Variants in CDK14 observed in about 807,000 individuals in gnomAD.
CDK14 encodes cyclin-dependent kinase 14.
Under a neutral mutation model 60.7 loss-of-function variants are expected in CDK14, and 34 were observed. The ratio of observed to expected loss-of-function variants is 0.56; its 90% CI spans 0.43 to 0.75. CDK14 has a LOEUF of 0.75. Among genes scored for constraint, CDK14 ranks in the 30% least tolerant of loss-of-function variants. CDK14 has a pLI of 0.00. For synonymous variants in CDK14, 197 were observed against 203.7 expected, an observed-to-expected ratio of 0.97 and a Z score of 0.28; for missense variants, 482 against 564.1, an observed-to-expected ratio of 0.85 and a Z score of 1.47.
intron 4 of CDK14, among the ~76,000 whole-genome samples, chr7:90,755,461 G>A (rs943343736): frequency 6.6e-6 from 1 of 152,122 alleles, no homozygotes; most frequent in Non-Finnish European, 1.5e-5. Flanking sequence ...GGAGACTGCT[G>A]AGTGGGGTTG....
intron 6 of CDK14, among the ~76,000 whole-genome samples, chr7:90,879,074 G>A (rs1303918341): frequency 6.6e-6 from 1 of 152,154 alleles, no homozygotes; most frequent in Non-Finnish European, 1.5e-5. Flanking sequence ...TTTGGCCAAC[G>A]AATTGAGCAA....
intron 10 of CDK14, among the ~76,000 whole-genome samples, chr7:91,034,545 T>G (rs1469978690): frequency 6.6e-6 from 1 of 152,132 alleles, no homozygotes; most frequent in Non-Finnish European, 1.5e-5. Flanking sequence ...TGTTGAAAAC[T>G]CTACATAATA....
intron 5 of CDK14, among the ~76,000 whole-genome samples, chr7:90,796,210 G>GCCC (rs1210042486): frequency 6.6e-6 from 1 of 152,108 alleles, no homozygotes; most frequent in Non-Finnish European, 1.5e-5. Flanking sequence ...AGCCTCTGAA[G>GCCC]ACTTTAGAGT....
At chr7:91,205,316 A>C (rs186569252) in intron 14 of CDK14, among the ~76,000 whole-genome samples, 36 of 152,388 alleles carry the variant, frequency 2.4e-4, no homozygotes, top group Middle Eastern at 6.8e-3. Flanking sequence ...ATGGATAAAC[A>C]AACTGTGGTA....
At position 90,672,927 on chromosome 7, in the gene CDK14, C is replaced by G. The variant is rs151004743; in HGVS notation, c.124-53640C>G. ...CATTTGTGTATATGTTTTACTATTA[C>G]AGAGGAATAGGTCAGTGGGGAAATT... On this transcript the variant is annotated intron_variant, in intron 2 of 14. Transcript: ENST00000380050. Among the ~76,000 whole-genome samples, 481 of 152,146 alleles carry G rather than the reference C, an allele frequency of 3.2e-3. 3 individuals carry two copies. The highest frequency in any genetic ancestry group is 0.014 in the Middle Eastern group (4 of 294).
chr7:91,184,382 G>A (rs1387617558), intron 14 of CDK14, among the ~76,000 whole-genome samples: 1 of 151,950 alleles, frequency 6.6e-6, no homozygotes, highest in East Asian at 1.9e-4. Flanking sequence ...TATTTATAAA[G>A]GTTTTACAAT....
At chr7:90,839,196 G>T (rs535510968) in intron 5 of CDK14, among the ~76,000 whole-genome samples, 1 of 152,204 alleles carries the variant, frequency 6.6e-6, no homozygotes, top group East Asian at 1.9e-4. Flanking sequence ...TTGGGTGAAA[G>T]AAATGCAGAG....
At chr7:90,682,621 C>A (rs1396001742) in intron 2 of CDK14, among the ~76,000 whole-genome samples, 1 of 152,138 alleles carries the variant, frequency 6.6e-6, no homozygotes, top group Non-Finnish European at 1.5e-5. Context: ...TACTTATTAT[C>A]TTTTATATGG....
At chr7:90,736,761 G>A (rs1365794399) in intron 3 of CDK14, among the ~76,000 whole-genome samples, 1 of 152,070 alleles carries the variant, frequency 6.6e-6, no homozygotes, top group Non-Finnish European at 1.5e-5. Context: ...GGAAAGCATT[G>A]TTTTTTGGAA....
intron 14 of CDK14, among the ~76,000 whole-genome samples, chr7:91,153,649 A>G (rs1584137167): frequency 1.3e-5 from 2 of 152,160 alleles, no homozygotes; most frequent in African/African-American, 4.8e-5. Context: ...CAAATACTGG[A>G]TGTTCTTACT....
chr7:90,661,483 A>G (rs1356445527), intron 2 of CDK14, among the ~76,000 whole-genome samples: 1 of 152,204 alleles, frequency 6.6e-6, no homozygotes, highest in East Asian at 1.9e-4. Flanking sequence ...AATATATGCT[A>G]GTCTTAGTGA....
At chr7:90,676,077 T>C (rs6465278) in intron 2 of CDK14, among the ~76,000 whole-genome samples, 130,854 of 152,246 alleles carry the variant, frequency 0.86, 56,543 homozygotes, top group East Asian at 1. Flanking sequence ...ACTATATGCC[T>C]GTAATCTCTT....
At chr7:91,150,592 T>A (rs1800804014) in intron 14 of CDK14, among the ~76,000 whole-genome samples, 1 of 152,220 alleles carries the variant, frequency 6.6e-6, no homozygotes, top group Non-Finnish European at 1.5e-5. Flanking sequence ...ATTTAGTATA[T>A]AATCATTTTT....
At chr7:90,775,984 T>A (rs1295902204) in intron 4 of CDK14, among the ~76,000 whole-genome samples, 1 of 152,096 alleles carries the variant, frequency 6.6e-6, no homozygotes, top group Non-Finnish European at 1.5e-5. Flanking sequence ...AGGTTTCAAA[T>A]CTCAGTATGT....
At chr7:91,093,534 T>C (rs1798893465) in intron 12 of CDK14, among the ~76,000 whole-genome samples, 1 of 152,138 alleles carries the variant, frequency 6.6e-6, no homozygotes, top group South Asian at 2.1e-4. Flanking sequence ...CTGAAGCATA[T>C]CTATCAAGAG....
intron 10 of CDK14, among the ~76,000 whole-genome samples, chr7:91,014,675 C>T (rs1796251482): frequency 6.6e-6 from 1 of 152,156 alleles, no homozygotes; most frequent in South Asian, 2.1e-4. Flanking sequence ...ACCATGGGTT[C>T]ATTGTCATTA....
At chr7:91,026,244 A>G (rs1796565714) in intron 10 of CDK14, among the ~76,000 whole-genome samples, 1 of 152,192 alleles carries the variant, frequency 6.6e-6, no homozygotes, top group Non-Finnish European at 1.5e-5. Flanking sequence ...CAATGAGGAG[A>G]GCTGCCTTCT....
chr7:90,961,518 T>C (rs1450714937), intron 9 of CDK14, among the ~76,000 whole-genome samples: 1 of 152,238 alleles, frequency 6.6e-6, no homozygotes, highest in Non-Finnish European at 1.5e-5. Flanking sequence ...ATAGTAAGAA[T>C]GAGAATTTGA....
At chr7:90,762,815 GTC>G (rs1403415153) in intron 4 of CDK14, among the ~76,000 whole-genome samples, 1 of 152,020 alleles carries the variant, frequency 6.6e-6, no homozygotes, top group African/African-American at 2.4e-5. Flanking sequence ...GGGAAACCCT[GTC>G]TCTAACAAAA....
Sources: gnomAD v4.1 joint callset for allele counts (sites outside exome capture counted in the v4.1 genomes callset) on GRCh38, gnomAD v4.1.1 for gene constraint, MANE v1.5 for transcripts, NCBI Gene and HGNC (gene_info 2026-07-23, HGNC 2026-07-21) for gene names.